The following ATP6V1A variants were observed in gnomAD, a reference collection of about 807,000 sequenced individuals.
The protein encoded by ATP6V1A is V-type proton ATPase catalytic subunit A.
ATP6V1A carries 18 observed loss-of-function variants against 70.1 expected under a neutral mutation model. That is an observed-to-expected ratio of 0.26 (90% CI 0.18 to 0.38). ATP6V1A has a LOEUF of 0.38. Ranked by LOEUF, ATP6V1A falls within the 10% of genes least tolerant of loss-of-function variation. The probability of loss-of-function intolerance (pLI) is 1.00; values close to 1 mark genes in which losing one functional copy is unlikely to be tolerated. For synonymous variants in ATP6V1A, 232 were observed against 253.8 expected (o/e 0.91, Z 0.82); for missense variants, 424 against 772.4 (o/e 0.55, Z 5.35).
chr3:113,778,951 C>A, intron 2 of ATP6V1A, 116 bp downstream of exon 2: 1 of 678,434 alleles, frequency 1.5e-6, no homozygotes, highest in Non-Finnish European at 2.3e-6. Flanking sequence ...TTCTGTTTGT[C>A]CTTAGGCGAT....
At chr3:113,796,740 A>G (rs940754488) in intron 11 of ATP6V1A, among the ~76,000 whole-genome samples, 9 of 152,246 alleles carry the variant, frequency 5.9e-5, no homozygotes, top group Non-Finnish European at 1.3e-4. Flanking sequence ...GAAATGTCAG[A>G]GGCTAAATGT....
intron 6 of ATP6V1A, among the ~76,000 whole-genome samples, chr3:113,787,942 A>G (rs920134731): frequency 1.3e-5 from 2 of 152,112 alleles, no homozygotes; most frequent in Non-Finnish European, 2.9e-5. Flanking sequence ...TTTTTAAGAG[A>G]TAGGTTATCA....
chr3:113,792,031 G>A (rs891445985), intron 8 of ATP6V1A, among the ~76,000 whole-genome samples: 5 of 151,918 alleles, frequency 3.3e-5, no homozygotes, highest in African/African-American at 1.2e-4. Context: ...TATTGTTGTG[G>A]GACTATGTCT....
intron 14 of ATP6V1A, among the ~76,000 whole-genome samples, chr3:113,808,355 G>A (rs568599638): frequency 4.5e-5 from 6 of 133,930 alleles, no homozygotes; most frequent in South Asian, 5.4e-4. Context: ...GCAGTGACGC[G>A]ATCTCAGCTC....
chr3:113,807,367 A>T (rs1709287797), intron 14 of ATP6V1A, among the ~76,000 whole-genome samples: 2 of 151,484 alleles, frequency 1.3e-5, no homozygotes, highest in Non-Finnish European at 2.9e-5. Flanking sequence ...TTTAGTAGAG[A>T]CGGGGGTTTC....
intron 1 of ATP6V1A, among the ~76,000 whole-genome samples, chr3:113,761,310 T>C (rs944678836): frequency 1.3e-5 from 2 of 152,118 alleles, no homozygotes; most frequent in Non-Finnish European, 2.9e-5. Context: ...TTTTGTTCCT[T>C]GTATGTGTGT....
rs1709240408 is a variant in ATP6V1A at position 113,803,659 on chromosome 3, G to T, written c.1571G>T (p.Gly524Val). 1 of 1,604,284 alleles carries T rather than the reference G, an allele frequency of 6.2e-7. No individual in the cohort carries two copies. Among genetic ancestry groups the T allele is most frequent in the South Asian group, 1.1e-5 (1 of 90,582 alleles). Reference protein sequence around the residue: ...LIKDDFLQQNGYTPYDRFCPF... With the variant: ...LIKDDFLQQNVYTPYDRFCPF... The stretch of plus-strand genomic sequence containing the variant: ...AAAGATGATTTCCTACAACAAAATG[G>T]ATATACTCCTTATGACAGGTAAGCT... Residue 524 changes from glycine (G) to valine (V), a missense_variant, in exon 13 of 15, where the codon GGA (glycine) becomes GTA (valine). Gly to Val is a moderately radical substitution (Grantham distance 109). This residue lies in a region of ATP6V1A where 127 missense variants were observed against 207.9 expected (regional missense o/e 0.61). Transcript: ENST00000273398.
chr3:113,796,611 C>T (rs989284170), intron 11 of ATP6V1A, among the ~76,000 whole-genome samples: 1 of 151,438 alleles, frequency 6.6e-6, no homozygotes, highest in Admixed American at 6.6e-5. Context: ...TAAAAGAAGC[C>T]CAAATAAAAG....
intron 1 of ATP6V1A, among the ~76,000 whole-genome samples, chr3:113,748,243 T>C (rs746403770): frequency 4.6e-5 from 7 of 152,188 alleles, no homozygotes; most frequent in Non-Finnish European, 7.3e-5. Context: ...ACCCAAGTAC[T>C]CCCATTCCGT....
intron 14 of ATP6V1A, 67 bp downstream of exon 14, chr3:113,805,592 CAG>C: frequency 6.9e-7 from 1 of 1,452,320 alleles, no homozygotes; most frequent in Non-Finnish European, 9.5e-7. Flanking sequence ...TTTTTTTAGA[CAG>C]AGTCTCACTC....
At chr3:113,805,713 T>TG (rs1311770266) in intron 14 of ATP6V1A, among the ~76,000 whole-genome samples, 188 bp downstream of exon 14, 33 of 152,254 alleles carry the variant, frequency 2.2e-4, no homozygotes, top group Admixed American at 1.8e-3. Context: ...GGACGACAGG[T>TG]GCGTGCCAGC....
At chr3:113,802,103 A>G (rs1709219835) in intron 12 of ATP6V1A, among the ~76,000 whole-genome samples, 1 of 152,182 alleles carries the variant, frequency 6.6e-6, no homozygotes, top group African/African-American at 2.4e-5. Flanking sequence ...AGTGATATTT[A>G]AAGGGTGAAG....
chr3:113,785,459 G>C (rs533559576), intron 5 of ATP6V1A, among the ~76,000 whole-genome samples: 2 of 146,200 alleles, frequency 1.4e-5, no homozygotes, highest in African/African-American at 2.5e-5. Flanking sequence ...AAAATAATTA[G>C]TATTATTATT....
At chr3:113,804,759 A>G (rs1178418445) in intron 13 of ATP6V1A, among the ~76,000 whole-genome samples, 1 of 152,256 alleles carries the variant, frequency 6.6e-6, no homozygotes, top group Non-Finnish European at 1.5e-5. Flanking sequence ...GAAATTATGT[A>G]TGCAAAGGTG....
chr3:113,807,759 A>G (rs1251412157), intron 14 of ATP6V1A, among the ~76,000 whole-genome samples: 1 of 152,164 alleles, frequency 6.6e-6, no homozygotes, highest in East Asian at 1.9e-4. Context: ...CATCACAGGT[A>G]TTTTTTAATG....
chr3:113,777,432 G>T (rs1708927293), intron 1 of ATP6V1A, among the ~76,000 whole-genome samples: 1 of 152,172 alleles, frequency 6.6e-6, no homozygotes, highest in Non-Finnish European at 1.5e-5. Flanking sequence ...GGACAGAGAA[G>T]CCTCATGGAG....
intron 3 of ATP6V1A, among the ~76,000 whole-genome samples, chr3:113,783,224 T>A (rs1431572265): frequency 6.6e-6 from 1 of 152,160 alleles, no homozygotes; most frequent in African/African-American, 2.4e-5. Context: ...TGGTTTCTAG[T>A]TTTTGGTTGT....
At chr3:113,755,986 T>A (rs533354330) in intron 1 of ATP6V1A, among the ~76,000 whole-genome samples, 1 of 152,370 alleles carries the variant, frequency 6.6e-6, no homozygotes, top group African/African-American at 2.4e-5. Flanking sequence ...CATCATCATA[T>A]GTAACATTTA....
chr3:113,792,702 A>G (rs925924366), intron 8 of ATP6V1A, among the ~76,000 whole-genome samples: 4 of 152,154 alleles, frequency 2.6e-5, no homozygotes, highest in African/African-American at 9.7e-5. Context: ...GCTAATTATT[A>G]TTTTACATTC....
Sources: gnomAD v4.1 joint callset for allele counts (sites outside exome capture counted in the v4.1 genomes callset) on GRCh38, gnomAD v4.1.1 for gene constraint, gnomAD v4.1.1 regional missense constraint, MANE v1.5 for transcripts, NCBI Gene and HGNC (gene_info 2026-07-23, HGNC 2026-07-21) for gene names.